Variants in MDFIC2 observed in about 807,000 individuals in gnomAD.
MDFIC2 encodes myoD family inhibitor domain-containing protein 2.
intron 2 of MDFIC2, among the ~76,000 whole-genome samples, chr3:70,213,490 T>C: frequency 6.6e-6 from 1 of 152,156 alleles, no homozygotes; most frequent in Non-Finnish European, 1.5e-5. Flanking sequence ...GGATTTAAAC[T>C]ATACTCCAGC....
intron 2 of MDFIC2, among the ~76,000 whole-genome samples, chr3:70,296,758 A>G (rs12630799): frequency 0.11 from 16,378 of 151,978 alleles, 1,130 homozygotes; most frequent in East Asian, 0.38. Flanking sequence ...TTGGGCTACT[A>G]TAAGCCCGAC....
At chr3:70,269,445 G>A (rs1298040902) in intron 2 of MDFIC2, among the ~76,000 whole-genome samples, 1 of 152,110 alleles carries the variant, frequency 6.6e-6, no homozygotes, top group Admixed American at 6.5e-5. Flanking sequence ...TTCTAACCAT[G>A]TTCAAGTAAG....
intron 2 of MDFIC2, among the ~76,000 whole-genome samples, chr3:70,269,250 A>T (rs1269840930): frequency 1.3e-5 from 2 of 152,258 alleles, no homozygotes; most frequent in African/African-American, 4.8e-5. Flanking sequence ...TCATAAAAGA[A>T]CCAATAAATT....
intron 2 of MDFIC2, among the ~76,000 whole-genome samples, chr3:70,230,703 C>T (rs1473186077): frequency 1.3e-5 from 2 of 152,220 alleles, no homozygotes; most frequent in East Asian, 3.9e-4. Flanking sequence ...TGGTGGATTC[C>T]TCTGTAAGTG....
intron 2 of MDFIC2, among the ~76,000 whole-genome samples, chr3:70,263,495 G>A (rs1176770263): frequency 1.3e-5 from 2 of 152,120 alleles, no homozygotes; most frequent in Non-Finnish European, 2.9e-5. Context: ...CTCTTGGGCT[G>A]TTGGGAATTC....
chr3:70,279,683 C>G (rs975280764), intron 2 of MDFIC2, among the ~76,000 whole-genome samples: 4 of 152,184 alleles, frequency 2.6e-5, no homozygotes, highest in African/African-American at 7.2e-5. Context: ...TCTGCATTTA[C>G]AGATGCAAAC....
At chr3:70,247,686 G>C (rs1350093488) in intron 2 of MDFIC2, among the ~76,000 whole-genome samples, 1 of 151,572 alleles carries the variant, frequency 6.6e-6, no homozygotes, top group African/African-American at 2.4e-5. Flanking sequence ...CATTATCATT[G>C]GTTTTGTTTC....
chr3:70,228,551 A>G (rs1701529707), intron 2 of MDFIC2, among the ~76,000 whole-genome samples: 1 of 151,622 alleles, frequency 6.6e-6, no homozygotes, highest in Admixed American at 6.6e-5. Flanking sequence ...TTTGTTTTCT[A>G]ATGTCTAGAT....
In MDFIC2 at chr3:70,203,623, C is replaced by G. The variant is rs114928616; in HGVS notation, c.310+2946G>C. Among the ~76,000 whole-genome samples, 389 of 152,140 alleles carry G rather than the reference C, an allele frequency of 2.6e-3. 2 individuals carry two copies. The highest frequency in any genetic ancestry group is 9.2e-3 in the African/African-American group (381 of 41,506). Reference sequence around the variant, plus strand: ...AATTGAAACATTTTATAAGGTGACACTGGTGCATTTAATTGTATGAAATTT... The same window carrying G: ...AATTGAAACATTTTATAAGGTGACAGTGGTGCATTTAATTGTATGAAATTT... On this transcript the variant is annotated intron_variant, in intron 3 of 3. Transcript: ENST00000567252.
intron 3 of MDFIC2, among the ~76,000 whole-genome samples, chr3:70,203,078 C>T (rs532384588): frequency 6.6e-6 from 1 of 152,158 alleles, no homozygotes; most frequent in African/African-American, 2.4e-5. Flanking sequence ...AAGCACACCT[C>T]CTGCTACCCC....
intron 2 of MDFIC2, among the ~76,000 whole-genome samples, chr3:70,239,979 T>G (rs1701650581): frequency 6.6e-6 from 1 of 152,066 alleles, no homozygotes; most frequent in Non-Finnish European, 1.5e-5. Context: ...GCTTTGAAAT[T>G]GAAGAAAATA....
At chr3:70,226,975 A>C (rs1701513630) in intron 2 of MDFIC2, among the ~76,000 whole-genome samples, 1 of 152,118 alleles carries the variant, frequency 6.6e-6, no homozygotes, top group African/African-American at 2.4e-5. Flanking sequence ...GAGGCACTGG[A>C]GCAGTGGCTC....
At chr3:70,214,801 A>G (rs1420392867) in intron 2 of MDFIC2, among the ~76,000 whole-genome samples, 1 of 152,082 alleles carries the variant, frequency 6.6e-6, no homozygotes, top group Non-Finnish European at 1.5e-5. Context: ...TGCAATTATG[A>G]GTCTCCATTT....
chr3:70,278,395 G>T (rs1037551843), intron 2 of MDFIC2, among the ~76,000 whole-genome samples: 2 of 152,036 alleles, frequency 1.3e-5, no homozygotes, highest in Non-Finnish European at 2.9e-5. Flanking sequence ...ACATTTTTTG[G>T]TTGACATAAA....
At chr3:70,276,678 C>T (rs1702029962) in intron 2 of MDFIC2, among the ~76,000 whole-genome samples, 1 of 152,194 alleles carries the variant, frequency 6.6e-6, no homozygotes, top group Non-Finnish European at 1.5e-5. Context: ...ATATGGCCTA[C>T]TGCATTTTTT....
At chr3:70,213,864 T>C (rs909627199) in intron 2 of MDFIC2, among the ~76,000 whole-genome samples, 27 of 147,536 alleles carry the variant, frequency 1.8e-4, no homozygotes, top group Non-Finnish European at 3.8e-4. Flanking sequence ...TATTTTTATA[T>C]TGAGTAAAAT....
intron 2 of MDFIC2, among the ~76,000 whole-genome samples, chr3:70,232,381 C>T (rs1012645930): frequency 6.6e-6 from 1 of 151,488 alleles, no homozygotes; most frequent in Non-Finnish European, 1.5e-5. Flanking sequence ...ACTCATGTGG[C>T]TGGACACAAT....
intron 2 of MDFIC2, among the ~76,000 whole-genome samples, chr3:70,266,639 T>A (rs1246992142): frequency 6.6e-6 from 1 of 152,032 alleles, no homozygotes; most frequent in Non-Finnish European, 1.5e-5. Flanking sequence ...GAAGACAGGA[T>A]CTCCCTATGT....
chr3:70,206,253 A>G (rs1701289930), intron 3 of MDFIC2, among the ~76,000 whole-genome samples: 1 of 151,992 alleles, frequency 6.6e-6, no homozygotes, highest in African/African-American at 2.4e-5. Flanking sequence ...GAATAGTTCC[A>G]TGTCTGAGGA....
Sources: gnomAD v4.1 joint callset for allele counts (sites outside exome capture counted in the v4.1 genomes callset) on GRCh38, gnomAD v4.1.1 for gene constraint, MANE v1.5 for transcripts, NCBI Gene and HGNC (gene_info 2026-07-23, HGNC 2026-07-21) for gene names.